Variants in MGAT5 observed in about 807,000 individuals in gnomAD.
The protein encoded by MGAT5 is alpha-1,6-mannosylglycoprotein 6-beta-N-acetylglucosaminyltransferase.
Under a neutral mutation model 94.3 loss-of-function variants are expected in MGAT5, and 30 were observed. The ratio of observed to expected loss-of-function variants is 0.32; its 90% CI spans 0.24 to 0.43. The LOEUF (loss-of-function observed/expected upper bound fraction) is 0.43, where lower values mean the gene tolerates loss of function less well. Among genes scored for constraint, MGAT5 ranks in the 20% least tolerant of loss-of-function variants. The pLI, the probability that MGAT5 is intolerant of heterozygous loss-of-function variation, is 1.00. For synonymous variants in MGAT5, 310 were observed against 322.9 expected (o/e 0.96, Z 0.43); for missense variants, 691 against 905.5 (o/e 0.76, Z 3.04).
chr2:134,212,987 G>A (rs1001616189), intron 1 of MGAT5, among the ~76,000 whole-genome samples: 1 of 152,194 alleles, frequency 6.6e-6, no homozygotes, highest in Non-Finnish European at 1.5e-5. Flanking sequence ...GTGGGAAAAT[G>A]TTTGTCTCAT....
chr2:134,371,564 C>T (rs1473114173), intron 10 of MGAT5, among the ~76,000 whole-genome samples: 1 of 152,176 alleles, frequency 6.6e-6, no homozygotes, highest in Non-Finnish European at 1.5e-5. Context: ...TCTATCGAAT[C>T]ATGCTTGGGA....
At chr2:134,348,951 G>A (rs1302971811) in intron 8 of MGAT5, among the ~76,000 whole-genome samples, 1 of 152,148 alleles carries the variant, frequency 6.6e-6, no homozygotes, top group African/African-American at 2.4e-5. Flanking sequence ...TATATGCATC[G>A]CTGCAGCTAC....
Position 134,318,632 on chromosome 2 carries a change from A to G in MGAT5, c.484-18A>G, listed in dbSNP as rs749984045. 1 of 1,600,932 alleles carries G rather than the reference A, an allele frequency of 6.2e-7. No individual in the cohort carries two copies. The highest frequency in any genetic ancestry group is 1.7e-5 in the Admixed American group (1 of 59,950). On this transcript the variant is annotated intron_variant, in intron 3 of 15. Transcript: ENST00000281923. ...GGGCCTGTGAATGGGCTGCTCAGAG[A>G]TGTTCTTCTTGTTTCAGTGGATGAA...
chr2:134,127,827 A>C (rs576547526), intron 1 of MGAT5, among the ~76,000 whole-genome samples: 1 of 152,258 alleles, frequency 6.6e-6, no homozygotes, highest in South Asian at 2.1e-4. Flanking sequence ...TGGGTTCTGC[A>C]CACTCAGCTA....
chr2:134,253,332 T>G (rs1478984822), upstream of MGAT5: 1 of 152,260 alleles, frequency 6.6e-6, no homozygotes, highest in Non-Finnish European at 1.5e-5. Flanking sequence ...AGCTGACTGG[T>G]ATTGGGCCCA....
chr2:134,279,956 G>A (rs890548097), intron 2 of MGAT5, among the ~76,000 whole-genome samples: 4 of 152,066 alleles, frequency 2.6e-5, no homozygotes, highest in Non-Finnish European at 5.9e-5. Context: ...AAAATACTTG[G>A]AATAAAGCTG....
At chr2:134,352,753 A>T (rs1423797351) in intron 9 of MGAT5, among the ~76,000 whole-genome samples, 3 of 152,202 alleles carry the variant, frequency 2.0e-5, no homozygotes, top group African/African-American at 7.2e-5. Context: ...GTGTTTGCAC[A>T]TTCATGTTCA....
At chr2:134,353,082 T>C (rs758475958) in intron 9 of MGAT5, among the ~76,000 whole-genome samples, 6 of 152,162 alleles carry the variant, frequency 3.9e-5, no homozygotes, top group Non-Finnish European at 7.4e-5. Context: ...GGGGTTTCAG[T>C]ATTACAAGAT....
intron 2 of MGAT5, among the ~76,000 whole-genome samples, chr2:134,280,748 G>A (rs1190149247): frequency 1.3e-5 from 2 of 152,206 alleles, no homozygotes; most frequent in East Asian, 3.9e-4. Context: ...GAGGATAAGA[G>A]CCTGTACCAT....
At chr2:134,392,241 G>T (rs564411292) in intron 10 of MGAT5, among the ~76,000 whole-genome samples, 1 of 152,112 alleles carries the variant, frequency 6.6e-6, no homozygotes, top group African/African-American at 2.4e-5. Context: ...ATGTTTATTT[G>T]CAGCATTTTA....
chr2:134,319,836 C>T (rs983858095), intron 4 of MGAT5: 2 of 306,356 alleles, frequency 6.5e-6, no homozygotes, highest in East Asian at 1.1e-4. Flanking sequence ...TAGCAGTCAT[C>T]CCAGTTGTCA....
intron 4 of MGAT5, among the ~76,000 whole-genome samples, chr2:134,321,160 C>G (rs188991685): frequency 1.3e-5 from 2 of 152,148 alleles, no homozygotes; most frequent in Admixed American, 6.5e-5. Context: ...TGGGGCCATG[C>G]GTGAACCTTC....
chr2:134,175,396 A>G (rs1436277707), intron 1 of MGAT5, among the ~76,000 whole-genome samples: 1 of 152,134 alleles, frequency 6.6e-6, no homozygotes, highest in Non-Finnish European at 1.5e-5. Flanking sequence ...TGTCCCTGGA[A>G]GTTCTGAAAT....
At chr2:134,302,661 CAT>C (rs1169704707) in intron 2 of MGAT5, among the ~76,000 whole-genome samples, 1 of 150,748 alleles carries the variant, frequency 6.6e-6, no homozygotes, top group African/African-American at 2.4e-5. Flanking sequence ...TTTTCAAAGA[CAT>C]AAATATAGAA....
chr2:134,416,555 T>A (rs1393391728), intron 12 of MGAT5, among the ~76,000 whole-genome samples: 1 of 150,994 alleles, frequency 6.6e-6, no homozygotes, highest in East Asian at 2.0e-4. Context: ...CACTGCAGTC[T>A]CAAACTCCTG....
chr2:134,204,555 G>T (rs1055020343), intron 1 of MGAT5, among the ~76,000 whole-genome samples: 4 of 151,990 alleles, frequency 2.6e-5, no homozygotes, highest in Admixed American at 2.0e-4. Flanking sequence ...GGGAGAATTG[G>T]GCACATAAAA....
chr2:134,367,953 A>G (rs1680538044), intron 10 of MGAT5, among the ~76,000 whole-genome samples: 1 of 152,252 alleles, frequency 6.6e-6, no homozygotes, highest in African/African-American at 2.4e-5. Context: ...TTAAGGAAGC[A>G]AGGGCAGCTA....
chr2:134,333,446 AG>A (rs970015008), intron 4 of MGAT5, among the ~76,000 whole-genome samples: 4 of 57,124 alleles, frequency 7.0e-5, no homozygotes, highest in Admixed American at 2.8e-4. Flanking sequence ...GGGTGGGGGG[AG>A]GGGGGAGGGA....
At chr2:134,275,764 T>C (rs1684322821) in intron 2 of MGAT5, among the ~76,000 whole-genome samples, 3 of 151,840 alleles carry the variant, frequency 2.0e-5, no homozygotes, top group South Asian at 2.1e-4. Context: ...TTTTTTCTTA[T>C]TTTTTGTAGA....
Sources: gnomAD v4.1 joint callset for allele counts (sites outside exome capture counted in the v4.1 genomes callset) on GRCh38, gnomAD v4.1.1 for gene constraint, MANE v1.5 for transcripts, NCBI Gene and HGNC (gene_info 2026-07-23, HGNC 2026-07-21) for gene names.